COX6C: variants seen among roughly 807,000 people sequenced by gnomAD.
The protein encoded by COX6C is cytochrome c oxidase polypeptide VIc.
In COX6C, 3 loss-of-function variants were observed where a neutral mutation model predicts 6.9. The observed-to-expected ratio is 0.43, with a 90% CI of 0.20 to 1.12. COX6C has a LOEUF of 1.12. Ranked by LOEUF, COX6C falls within the 50% of genes most tolerant of loss-of-function variation. The pLI is 0.27. For missense variants in COX6C, 101 were observed against 97.3 expected, an observed-to-expected ratio of 1.04 and a Z score of -0.16; for synonymous variants, 32 against 32.0, an observed-to-expected ratio of 1.00 and a Z score of 0.00.
intron 2 of COX6C, among the ~76,000 whole-genome samples, chr8:99,888,494 C>T (rs188502430): frequency 3.5e-4 from 53 of 152,172 alleles, no homozygotes; most frequent in Middle Eastern, 3.4e-3. Flanking sequence ...TTGCTTGAAC[C>T]TGGGAGGCCT....
chr8:99,880,271 C>T (rs866440758), intron 3 of COX6C, among the ~76,000 whole-genome samples: 3 of 152,150 alleles, frequency 2.0e-5, no homozygotes, highest in Admixed American at 2.0e-4. Context: ...AAGAAATCTC[C>T]ACAAACCAAC....
intron 1 of COX6C, chr8:99,893,196 G>A (rs1006952789): frequency 6.6e-6 from 1 of 152,214 alleles, no homozygotes; most frequent in Non-Finnish European, 1.5e-5. Context: ...GCCACACAGC[G>A]AGCGACGCTG....
At chr8:99,887,236 C>T in intron 3 of COX6C, 1 of 285,068 alleles carries the variant, frequency 3.5e-6, no homozygotes, top group South Asian at 6.0e-5. Flanking sequence ...AGCTGTTTAC[C>T]CTTGTGATTA....
chr8:99,891,588 C>A (rs1043861551), intron 2 of COX6C, among the ~76,000 whole-genome samples: 1 of 152,122 alleles, frequency 6.6e-6, no homozygotes, highest in South Asian at 2.1e-4. Flanking sequence ...TATATGCCCA[C>A]AGAGGACCCT....
At chr8:99,881,360 TTA>T (rs1491447583) in intron 3 of COX6C, among the ~76,000 whole-genome samples, 1 of 149,728 alleles carries the variant, frequency 6.7e-6, no homozygotes, top group Non-Finnish European at 1.5e-5. Flanking sequence ...ACTCCATCTC[TTA>T]AAAAAAAAAA....
intron 3 of COX6C, among the ~76,000 whole-genome samples, chr8:99,885,580 C>T (rs12548840): frequency 0.24 from 37,123 of 152,058 alleles, 5,644 homozygotes; most frequent in African/African-American, 0.43. Flanking sequence ...TAAATGATTT[C>T]GGGAAAACTG....
At chr8:99,881,443 A>C (rs568991013) in intron 3 of COX6C, among the ~76,000 whole-genome samples, 1 of 152,336 alleles carries the variant, frequency 6.6e-6, no homozygotes, top group African/African-American at 2.4e-5. Flanking sequence ...AGAAGTAACT[A>C]TATAGGTCCA....
At chr8:99,887,827 A>G (rs1817967240) in intron 2 of COX6C, among the ~76,000 whole-genome samples, 1 of 152,212 alleles carries the variant, frequency 6.6e-6, no homozygotes, top group Non-Finnish European at 1.5e-5. Context: ...AATGGGGAAT[A>G]AGGTGTCTAT....
intron 3 of COX6C, among the ~76,000 whole-genome samples, chr8:99,881,837 T>C (rs1043672333): frequency 6.6e-6 from 1 of 152,184 alleles, no homozygotes. Flanking sequence ...TCCAATTATA[T>C]GCTGTCTACA....
chr8:99,892,659 G>A (rs973307902), intron 1 of COX6C, among the ~76,000 whole-genome samples: 1 of 152,096 alleles, frequency 6.6e-6, no homozygotes, highest in Non-Finnish European at 1.5e-5. Context: ...GCTGTCTCTT[G>A]GCTTAGCCTG....
chr8:99,881,467 A>G (rs1474443996), intron 3 of COX6C, among the ~76,000 whole-genome samples: 3 of 152,218 alleles, frequency 2.0e-5, no homozygotes, highest in Non-Finnish European at 4.4e-5. Context: ...TAATGGATAC[A>G]TAATATATAA....
intron 1 of COX6C, chr8:99,893,163 T>C (rs1205481818): frequency 6.6e-6 from 1 of 152,220 alleles, no homozygotes; most frequent in African/African-American, 2.4e-5. Context: ...TCCTCCAGTT[T>C]TCCAGCTCTA....
chr8:99,892,002 G>C lies in COX6C; in HGVS notation c.20C>G (p.Pro7Arg). 3 of 1,612,598 alleles carry C rather than the reference G, an allele frequency of 1.9e-6. No homozygotes were observed. Among genetic ancestry groups the C allele is most frequent in the Admixed American group, 1.7e-5 (1 of 59,602 alleles). MAPEVL[P>R]KPRMRGLLAR... Reference sequence around the variant, plus strand: ...CAGAAGGCCACGCATCCGAGGTTTTGGCAAAACTTCGGGAGCCATGGTAGT... The same window carrying C: ...CAGAAGGCCACGCATCCGAGGTTTTCGCAAAACTTCGGGAGCCATGGTAGT... The change falls in exon 2 of 4, where the codon CCA (proline) becomes CGA (arginine). Residue 7 changes from proline (P) to arginine (R), a missense_variant. By Grantham distance (103) the Pro-to-Arg change is moderately radical. Coordinates refer to ENST00000520468, the MANE Select transcript of COX6C (RefSeq NM_004374.4).
intron 2 of COX6C, among the ~76,000 whole-genome samples, chr8:99,888,418 A>C (rs1817977987): frequency 6.6e-6 from 1 of 151,842 alleles, no homozygotes; most frequent in African/African-American, 2.4e-5. Flanking sequence ...TAAAAATACA[A>C]AAATTAGCCA....
chr8:99,878,801 A>G (rs894972061), intron 3 of COX6C: 4 of 152,378 alleles, frequency 2.6e-5, no homozygotes, highest in South Asian at 4.1e-4. Flanking sequence ...TGTTAAGATT[A>G]TAAACAACCA....
intron 2 of COX6C, among the ~76,000 whole-genome samples, chr8:99,888,128 A>T (rs12545930): frequency 0.24 from 35,770 of 150,874 alleles, 5,145 homozygotes; most frequent in African/African-American, 0.41. Context: ...AAAATAAAAA[A>T]AAAATAAAAA....
chr8:99,890,547 C>T (rs1818018751), intron 2 of COX6C, among the ~76,000 whole-genome samples: 2 of 152,148 alleles, frequency 1.3e-5, no homozygotes, highest in Admixed American at 1.3e-4. Flanking sequence ...TTTTAATAAC[C>T]TATTTGTGTG....
At chr8:99,887,318 T>A in intron 3 of COX6C, 172 bp downstream of exon 3, 3 of 461,160 alleles carry the variant, frequency 6.5e-6, no homozygotes, top group Non-Finnish European at 1.2e-5. Context: ...TTATTGCTCA[T>A]GTGGACAAAG....
chr8:99,891,249 T>G (rs577060852), intron 2 of COX6C, among the ~76,000 whole-genome samples: 1 of 152,294 alleles, frequency 6.6e-6, no homozygotes, highest in Admixed American at 6.5e-5. Context: ...ATGAGTGATG[T>G]TCTTTTAAGA....
Sources: allele counts gnomAD v4.1 joint callset (sites outside exome capture counted in the v4.1 genomes callset), GRCh38; gene constraint gnomAD v4.1.1; transcripts MANE v1.5; gene names NCBI Gene and HGNC (gene_info 2026-07-23, HGNC 2026-07-21).